Variants in PLB1 observed in about 807,000 individuals in gnomAD.
PLB1 encodes the protein phospholipase B1.
PLB1 carries 242 observed loss-of-function variants against 227.4 expected under a neutral mutation model. That is an observed-to-expected ratio of 1.06 (90% confidence interval 0.96 to 1.18). The LOEUF (loss-of-function observed/expected upper bound fraction) is 1.18, where lower values mean the gene tolerates loss of function less well. PLB1 is among the 50% of genes most tolerant of loss of function. PLB1 has a pLI of 0.00. For missense variants in PLB1, 1,858 were observed against 1,816.3 expected (o/e 1.02, Z -0.42); for synonymous variants, 757 against 682.2 (o/e 1.11, Z -1.71).
chr2:28,631,462 A>C (rs1420906263), intron 54 of PLB1, among the ~76,000 whole-genome samples: 1 of 152,192 alleles, frequency 6.6e-6, no homozygotes, highest in Non-Finnish European at 1.5e-5. Flanking sequence ...AAGGGTTCTC[A>C]TGTTTTCACA....
In PLB1 at chr2:28,632,069, T is replaced by C. The variant is rs1355008198; in HGVS notation, c.3931T>C (p.Tyr1311His). The C allele has an allele frequency of 1.2e-6, 2 of 1,614,094 alleles. No homozygotes were observed. The highest frequency in any genetic ancestry group is 1.7e-5 in the Admixed American group (1 of 60,028). Residue 1311 changes from tyrosine (Y) to histidine (H), a missense_variant, in exon 55 of 58, where the codon TAC (tyrosine) becomes CAC (histidine). Coordinates refer to ENST00000327757, the MANE Select transcript of PLB1 (RefSeq NM_153021.5). ...GISSFSYWHQ[Y>H]TQREDFAVVV... The stretch of plus-strand genomic sequence containing the variant: ...CTCCAGTTTCTCCTACTGGCACCAA[T>C]ACACACAGCGTGAGGACTTTGCGGT...
intron 17 of PLB1, among the ~76,000 whole-genome samples, chr2:28,556,605 T>C (rs1675170460): frequency 6.6e-6 from 1 of 152,116 alleles, no homozygotes; most frequent in Non-Finnish European, 1.5e-5. Flanking sequence ...GAAAAACATA[T>C]TGGGCCTACT....
intron 56 of PLB1, chr2:28,633,386 G>A (rs1045774724): frequency 7.7e-6 from 2 of 259,174 alleles, no homozygotes; most frequent in East Asian, 1.9e-4. Context: ...CGATCTCTCT[G>A]GCCACCTGTA....
chr2:28,538,245 G>A lies in PLB1; in HGVS notation c.556-74G>A, dbSNP rs751343313. On this transcript the variant is annotated intron_variant, in intron 9 of 57. Transcript: ENST00000327757. ...GGTCTTGCCTGGCAGGGATGGGCCT[G>A]TTGTGAGTCTGGGTGGCCTCACCTC... The A allele has an allele frequency of 3.1e-6, 5 of 1,589,746 alleles. No individual in the cohort carries two copies. The Admixed American group carries it at 5.1e-5, about 16-fold the overall frequency.
At chr2:28,552,333 G>A (rs764378709) in intron 16 of PLB1, among the ~76,000 whole-genome samples, 96 of 152,222 alleles carry the variant, frequency 6.3e-4, no homozygotes, top group Non-Finnish European at 1.2e-3. Flanking sequence ...CCTGGATGCA[G>A]GGAAATATGG....
At chr2:28,549,954 AT>A in intron 15 of PLB1, 55 bp from the exon 16 acceptor site, 1 of 1,460,442 alleles carries the variant, frequency 6.8e-7, no homozygotes, top group Non-Finnish European at 9.5e-7. Context: ...AAGCCTGATA[AT>A]TAAGGGATAC....
intron 15 of PLB1, 39 bp downstream of exon 15, chr2:28,548,970 C>T (rs1476988839): frequency 3.8e-6 from 6 of 1,599,902 alleles, no homozygotes; most frequent in Non-Finnish European, 5.1e-6. Flanking sequence ...CTTATTGAAT[C>T]GAGGGCGCAG....
intron 49 of PLB1, 26 bp downstream of exon 49, chr2:28,621,004 G>C (rs35800423): frequency 0.082 from 128,604 of 1,568,238 alleles, 6,164 homozygotes; most frequent in Non-Finnish European, 0.097. Flanking sequence ...ACAGGAGGGC[G>C]AGTGGAAGGC....
intron 14 of PLB1, chr2:28,548,480 G>A (rs1673645879): frequency 2.2e-6 from 1 of 456,096 alleles, no homozygotes; most frequent in African/African-American, 2.0e-5. Flanking sequence ...GTTGGATGCA[G>A]GACACCAATG....
chr2:28,589,999 G>T lies in PLB1; in HGVS notation c.2017-6G>T. ...TCACTCCCCATCTCCCTGCTTCTTT[G>T]TTTAGCTGGAGCCTGTTGGCCAGAA... is the stretch of plus-strand genomic sequence containing the variant. On this transcript the variant is annotated splice_region_variant and splice_polypyrimidine_tract_variant and intron_variant, in intron 28 of 57. Transcript: ENST00000327757. 1 of 1,612,782 alleles carries T rather than the reference G, an allele frequency of 6.2e-7. No individual in the cohort carries two copies. Among genetic ancestry groups the T allele is most frequent in the Non-Finnish European group, 8.5e-7 (1 of 1,178,910 alleles).
chr2:28,640,878 G>A (rs779387051), intron 56 of PLB1, 49 bp from the exon 57 acceptor site: 1 of 1,558,292 alleles, frequency 6.4e-7, no homozygotes, highest in South Asian at 1.2e-5. Context: ...AGAGAGGAAA[G>A]TGTCTCCCAG....
intron 25 of PLB1, chr2:28,585,500 C>A: frequency 2.6e-6 from 1 of 378,588 alleles, no homozygotes; most frequent in East Asian, 5.4e-5. Flanking sequence ...TGGTCTTGAA[C>A]TCCTGACCTC....
chr2:28,606,606 C>T, intron 43 of PLB1, 39 bp downstream of exon 43: 2 of 1,576,822 alleles, frequency 1.3e-6, no homozygotes, highest in Non-Finnish European at 1.7e-6. Flanking sequence ...CTCCACAAAC[C>T]AGGGCACACA....
chr2:28,507,328 T>C (rs1667745873), intron 1 of PLB1, among the ~76,000 whole-genome samples: 1 of 152,130 alleles, frequency 6.6e-6, no homozygotes, highest in Non-Finnish European at 1.5e-5. Context: ...AGTCTCATGG[T>C]TCTGGAGGCT....
At position 28,501,170 on chromosome 2, in the gene PLB1, C is replaced by A. The variant is rs1013831315; in HGVS notation, c.55+5001C>A. Among the ~76,000 whole-genome samples, 4 of 152,124 alleles carry A rather than the reference C, an allele frequency of 2.6e-5. No individual in the cohort carries two copies. In the South Asian group the frequency reaches 8.3e-4, roughly 32 times the overall value. On this transcript the variant is annotated intron_variant, in intron 1 of 57. Transcript: ENST00000327757. ...GTTATCTTTAATTTAGGTAGAATTA[C>A]ACTTTTTCATCTCCTTCTTTCATTC... is the stretch of plus-strand genomic sequence containing the variant.
chr2:28,629,131 A>T lies in PLB1; in HGVS notation c.3764A>T (p.Glu1255Val), dbSNP rs755687606. The T allele has an allele frequency of 6.2e-7, 1 of 1,613,906 alleles. No homozygotes were observed. Among genetic ancestry groups the T allele is most frequent in the South Asian group, 1.1e-5 (1 of 91,048 alleles). ...TTCGTCAACGTGGTGGAGGTCATGG[A>T]GCTGGCTAGCCTGTACCAGGGCCAA... Reference protein sequence around the residue: ...RAFVNVVEVMELASLYQGQGG... With the variant: ...RAFVNVVEVMVLASLYQGQGG... Residue 1255 changes from glutamate (E) to valine (V), a missense_variant, in exon 53 of 58, where the codon GAG (glutamate) becomes GTG (valine). Physicochemically the swap from Glu to Val is moderately radical, Grantham distance 121. Transcript: ENST00000327757.
chr2:28,579,370 C>T (rs376381846), intron 22 of PLB1, among the ~76,000 whole-genome samples: 35 of 152,274 alleles, frequency 2.3e-4, no homozygotes, highest in South Asian at 2.1e-3. Flanking sequence ...CCACTCCCAC[C>T]AGGACACGTG....
chr2:28,598,340 G>C (rs75225309), intron 34 of PLB1, among the ~76,000 whole-genome samples: 7,311 of 152,250 alleles, frequency 0.048, 575 homozygotes, highest in African/African-American at 0.17. Flanking sequence ...TTAGCCTCAG[G>C]CTTTTCCAAC....
At chr2:28,510,693 G>T (rs562347271) in intron 1 of PLB1, among the ~76,000 whole-genome samples, 1 of 128,914 alleles carries the variant, frequency 7.8e-6, no homozygotes, top group East Asian at 2.4e-4. Flanking sequence ...ATGTGATCAC[G>T]GCTCACTGAA....
Sources: gnomAD v4.1 joint callset for allele counts (sites outside exome capture counted in the v4.1 genomes callset) on GRCh38, gnomAD v4.1.1 for gene constraint, MANE v1.5 for transcripts, NCBI Gene and HGNC (gene_info 2026-07-23, HGNC 2026-07-21) for gene names.